ZBTB34: variants seen among roughly 807,000 people sequenced by gnomAD.
ZBTB34 encodes zinc finger and BTB domain containing 34, also known as zinc finger and BTB domain-containing protein 34.
A neutral mutation model predicts 33.4 loss-of-function variants in ZBTB34; 1 was observed. The ratio of observed to expected loss-of-function variants is 0.03; its 90% CI spans 0.01 to 0.14. ZBTB34 has a LOEUF of 0.14. Among genes scored for constraint, ZBTB34 ranks in the 10% least tolerant of loss-of-function variants. The pLI is 1.00. For missense variants in ZBTB34, 406 were observed against 657.2 expected (o/e 0.62, Z 4.18); for synonymous variants, 283 against 253.5 (o/e 1.12, Z -1.11).
In ZBTB34 at chr9:126,879,375, T is replaced by G; in HGVS notation, c.-10-15T>G. 1 of 1,570,656 alleles carries G rather than the reference T, an allele frequency of 6.4e-7. No homozygotes were observed. The highest frequency in any genetic ancestry group is 1.2e-5 in the South Asian group (1 of 84,618). Reference sequence around the variant, plus strand: ...GGAGTCATTGGTGAATGATGCAAACTCTCTCTCTCCGCAGAGTACGCTTCA... The same window carrying G: ...GGAGTCATTGGTGAATGATGCAAACGCTCTCTCTCCGCAGAGTACGCTTCA... On this transcript the variant is annotated splice_polypyrimidine_tract_variant and intron_variant, in intron 1 of 1. Transcript: ENST00000319119. The surrounding 1 kb of genome is among the most constrained non-coding windows in gnomAD (Gnocchi z 6.4).
In ZBTB34 at chr9:126,875,609, T is replaced by C. The variant is rs531336144; in HGVS notation, c.-10-3781T>C. Among the ~76,000 whole-genome samples, 6 of 152,294 alleles carry C rather than the reference T, an allele frequency of 3.9e-5. No individual in the cohort carries two copies. In the East Asian group the frequency reaches 7.7e-4, roughly 20 times the overall value. ...TGGTTCCTGTTGCTATATTGTTGGT[T>C]GCACCTTATTGTCATTATCTTACCT... On this transcript the variant is annotated intron_variant, in intron 1 of 1. Transcript: ENST00000319119.
Position 126,879,657 on chromosome 9 carries a change from G to A in ZBTB34, c.258G>A (p.Gln86=), listed in dbSNP as rs757280395. The change falls in exon 2 of 2, where the codon CAG becomes CAA. Residue 86 remains glutamine (Q), a synonymous_variant. Transcript: ENST00000319119. This position sits in a 1 kb window ranked among gnomAD's most constrained non-coding sequence, Gnocchi z 6.4. ...TTAAAAATCCCAATGTGTTTGAGCA[G>A]TTGCTTTCTTTTTGTTACACTGGAA... is the stretch of plus-strand genomic sequence containing the variant. 2 of 1,613,706 alleles carry A rather than the reference G, an allele frequency of 1.2e-6. No homozygotes were observed. The highest frequency in any genetic ancestry group is 2.2e-5 in the East Asian group (1 of 44,890).
rs199671419 is a variant in ZBTB34, at chr9:126,870,920, C to CT, written c.-10-8469dup. On this transcript the variant is annotated intron_variant, in intron 1 of 1. Coordinates refer to ENST00000319119, the Ensembl canonical transcript of ZBTB34. Reference sequence around the variant, plus strand: ...CCAGCCTGGGCCACAGAGTGAGACTCTGTCTCAAAAAAAAAAAAGCAGCAC... The same window carrying CT: ...CCAGCCTGGGCCACAGAGTGAGACTCTTGTCTCAAAAAAAAAAAAGCAGCAC... Among the ~76,000 whole-genome samples the CT allele has an allele frequency of 6.3e-3, 951 of 151,056 alleles. 37 individuals are homozygous for CT. In the East Asian group the frequency reaches 0.1, roughly 16 times the overall value.
chr9:126,866,590 T>C (rs1352183209), intron 1 of ZBTB34, among the ~76,000 whole-genome samples: 1 of 152,224 alleles, frequency 6.6e-6, no homozygotes, highest in African/African-American at 2.4e-5. Context: ...TTGTTCTATT[T>C]TGATTTTTTA....
At chr9:126,881,279 G>A in exon 2 of ZBTB34, 1 of 182,998 alleles carries the variant, frequency 5.5e-6, no homozygotes, top group Non-Finnish European at 1.3e-5. Flanking sequence ...CACTTCCACG[G>A]AGGGAGATTA....
intron 1 of ZBTB34, among the ~76,000 whole-genome samples, chr9:126,867,058 C>G (rs767859072): frequency 4.0e-5 from 6 of 151,408 alleles, no homozygotes; most frequent in Non-Finnish European, 8.8e-5. Flanking sequence ...TCTACCCACT[C>G]TTCTTAATAG....
chr9:126,864,990 A>T (rs2033182355), intron 1 of ZBTB34, among the ~76,000 whole-genome samples: 1 of 152,116 alleles, frequency 6.6e-6, no homozygotes, highest in Non-Finnish European at 1.5e-5. Flanking sequence ...AGCAGGTGCA[A>T]ATCTGGGTTT....
exon 2 of ZBTB34, chr9:126,882,253 T>G (rs1043081034): frequency 6.0e-6 from 1 of 167,102 alleles, no homozygotes; most frequent in Non-Finnish European, 1.5e-5. Context: ...GGTCATGTGG[T>G]GCTATTTTTG....
chr9:126,866,121 C>G (rs1324931185), intron 1 of ZBTB34, among the ~76,000 whole-genome samples: 1 of 152,104 alleles, frequency 6.6e-6, no homozygotes, highest in African/African-American at 2.4e-5. Flanking sequence ...TCAGCCTTCT[C>G]TCTTTTTTTT....
chr9:126,860,815 G>T (rs941302933), intron 1 of ZBTB34, 76 bp downstream of exon 1: 11 of 146,298 alleles, frequency 7.5e-5, no homozygotes, highest in African/African-American at 2.5e-4. Context: ...GGGGCGGGGG[G>T]CAGTCCCCGG....
rs1021320962 is a variant in ZBTB34, at chr9:126,861,268, G to A, written c.-11+529G>A. Reference sequence around the variant, plus strand: ...AGGCGGCGGCGACGGGTTGCGCTTGGCCCCAGACGTCTCCGTGGCCACTCG... The same window carrying A: ...AGGCGGCGGCGACGGGTTGCGCTTGACCCCAGACGTCTCCGTGGCCACTCG... On this transcript the variant is annotated intron_variant, in intron 1 of 1. Transcript: ENST00000319119. 2.6e-5 allele frequency among the ~76,000 whole-genome samples: 4 copies of A among 152,208 alleles called. No homozygotes were observed. In the East Asian group the frequency reaches 5.8e-4, roughly 22 times the overall value.
intron 1 of ZBTB34, among the ~76,000 whole-genome samples, chr9:126,873,408 C>T (rs534714222): frequency 3.3e-5 from 5 of 152,080 alleles, no homozygotes; most frequent in Non-Finnish European, 7.4e-5. Context: ...GGACTACAGG[C>T]GCCCACCATC....
chr9:126,866,030 G>C (rs1027059514), intron 1 of ZBTB34, among the ~76,000 whole-genome samples: 4 of 152,080 alleles, frequency 2.6e-5, no homozygotes, highest in African/African-American at 9.7e-5. Context: ...CTTGAGGAGA[G>C]GGCTAGGTGA....
At chr9:126,861,122 T>C (rs1564218297) in intron 1 of ZBTB34, among the ~76,000 whole-genome samples, 1 of 151,900 alleles carries the variant, frequency 6.6e-6, no homozygotes, top group Non-Finnish European at 1.5e-5. Context: ...GCGCTCCCTT[T>C]TGTACGGGGA....
At chr9:126,867,684 G>A (rs544928282) in intron 1 of ZBTB34, among the ~76,000 whole-genome samples, 8 of 149,972 alleles carry the variant, frequency 5.3e-5, no homozygotes, top group Admixed American at 1.3e-4. Flanking sequence ...CCTTTGTGGC[G>A]TCTGAGATTT....
chr9:126,881,405 TATAC>T (rs1198351494), exon 2 of ZBTB34: 1 of 162,136 alleles, frequency 6.2e-6, no homozygotes, highest in Non-Finnish European at 1.5e-5. Flanking sequence ...ATATAGTATA[TATAC>T]ATTTTCAAAT....
intron 1 of ZBTB34, among the ~76,000 whole-genome samples, chr9:126,869,566 C>A (rs992890853): frequency 6.6e-6 from 1 of 152,066 alleles, no homozygotes; most frequent in Non-Finnish European, 1.5e-5. Flanking sequence ...CATCCCCTTT[C>A]ACAGCAGCCC....
chr9:126,876,734 C>T (rs548002763), intron 1 of ZBTB34, among the ~76,000 whole-genome samples: 107 of 152,266 alleles, frequency 7.0e-4, no homozygotes, highest in African/African-American at 2.4e-3. Context: ...ATCATTTGTG[C>T]CTTGGCACTT....
chr9:126,878,465 G>C (rs999509258), intron 1 of ZBTB34, among the ~76,000 whole-genome samples: 3 of 149,580 alleles, frequency 2.0e-5, no homozygotes, highest in African/African-American at 7.4e-5. Context: ...GCAAGATTCT[G>C]TCTCAAAAAA....
Sources: allele counts gnomAD v4.1 joint callset (sites outside exome capture counted in the v4.1 genomes callset), GRCh38; gene constraint gnomAD v4.1.1; non-coding constraint Gnocchi (gnomAD v3.1); transcripts MANE v1.5; gene names NCBI Gene and HGNC (gene_info 2026-07-23, HGNC 2026-07-21).